The following ANTXR2 variants were observed in gnomAD, a reference collection of about 807,000 sequenced individuals.
ANTXR2 encodes ANTXR cell adhesion molecule 2.
A neutral mutation model predicts 73.7 loss-of-function variants in ANTXR2; 44 were observed. That is an observed-to-expected ratio of 0.60 (90% CI 0.47 to 0.77). The LOEUF (loss-of-function observed/expected upper bound fraction) is 0.77. Ranked by LOEUF, ANTXR2 falls within the 30% of genes least tolerant of loss-of-function variation. ANTXR2 has a pLI of 0.00. For synonymous variants in ANTXR2, 217 were observed against 205.9 expected (o/e 1.05, Z -0.46); for missense variants, 604 against 592.5 (o/e 1.02, Z -0.20).
chr4:79,926,117 GAATT>G (rs1727770319), intron 16 of ANTXR2, among the ~76,000 whole-genome samples: 3 of 152,016 alleles, frequency 2.0e-5, no homozygotes, highest in Non-Finnish European at 2.9e-5. Flanking sequence ...AGTTTCTGCT[GAATT>G]AATTGATTAG....
At chr4:79,960,132 G>A (rs747295083) in intron 16 of ANTXR2, among the ~76,000 whole-genome samples, 1 of 152,088 alleles carries the variant, frequency 6.6e-6, no homozygotes, top group Non-Finnish European at 1.5e-5. Flanking sequence ...TCACCAATCT[G>A]CACTAGGTTC....
chr4:80,043,843 T>A (rs1450030990), intron 7 of ANTXR2, among the ~76,000 whole-genome samples: 1 of 152,014 alleles, frequency 6.6e-6, no homozygotes, highest in East Asian at 1.9e-4. Context: ...CCAACTTGAA[T>A]GAAGCATCAG....
intron 9 of ANTXR2, 106 bp downstream of exon 9, chr4:80,033,366 G>C: frequency 1.3e-6 from 1 of 743,080 alleles, no homozygotes; most frequent in Non-Finnish European, 2.2e-6. Context: ...TTTCTTCTTA[G>C]ATTAAAAAAT....
chr4:80,025,838 A>C (rs1410811741), intron 10 of ANTXR2, among the ~76,000 whole-genome samples: 4 of 149,924 alleles, frequency 2.7e-5, no homozygotes, highest in Non-Finnish European at 4.4e-5. Flanking sequence ...TGTGTAATAG[A>C]TAAAACAAAA....
intron 10 of ANTXR2, among the ~76,000 whole-genome samples, chr4:80,025,939 G>T (rs1410917336): frequency 6.6e-6 from 1 of 152,162 alleles, no homozygotes; most frequent in Non-Finnish European, 1.5e-5. Context: ...TATTATAATT[G>T]TTCTGAGTAT....
chr4:80,055,015 A>G, intron 6 of ANTXR2, 135 bp downstream of exon 6: 1 of 763,230 alleles, frequency 1.3e-6, no homozygotes, highest in Non-Finnish European at 2.1e-6. Context: ...AGTACTCAAA[A>G]CCTACAGCCA....
chr4:79,929,448 G>C (rs936429157), intron 16 of ANTXR2, among the ~76,000 whole-genome samples: 1 of 152,170 alleles, frequency 6.6e-6, no homozygotes, highest in Non-Finnish European at 1.5e-5. Context: ...GGAGGTGGAA[G>C]TTGCAGTGAG....
chr4:80,065,492 A>T (rs1734454210), intron 3 of ANTXR2, among the ~76,000 whole-genome samples: 1 of 152,200 alleles, frequency 6.6e-6, no homozygotes, highest in South Asian at 2.1e-4. Flanking sequence ...GGGTAGGTGG[A>T]GGAATGGACT....
chr4:80,039,050 T>C (rs929643085), intron 7 of ANTXR2, among the ~76,000 whole-genome samples: 22 of 152,042 alleles, frequency 1.4e-4, no homozygotes, highest in African/African-American at 5.3e-4. Flanking sequence ...TTAATGAGGA[T>C]ATTAAAAAGT....
At chr4:80,071,739 A>T in intron 1 of ANTXR2, 85 bp from the exon 2 acceptor site, 1 of 1,115,802 alleles carries the variant, frequency 9.0e-7, no homozygotes. Context: ...CTTCAATGCC[A>T]CGAACATAGG....
chr4:79,931,835 ATAATT>A (rs560870500), intron 16 of ANTXR2, among the ~76,000 whole-genome samples: 1 of 152,250 alleles, frequency 6.6e-6, no homozygotes, highest in Non-Finnish European at 1.5e-5. Context: ...CTAAATGTGG[ATAATT>A]TAATTTGTGC....
intron 16 of ANTXR2, among the ~76,000 whole-genome samples, chr4:79,947,774 TA>T (rs1728569169): frequency 6.6e-6 from 1 of 152,176 alleles, no homozygotes; most frequent in South Asian, 2.1e-4. Context: ...GTAAATATTA[TA>T]AAACTCTGGA....
intron 16 of ANTXR2, among the ~76,000 whole-genome samples, chr4:79,975,430 A>G (rs1369895290): frequency 6.6e-6 from 1 of 152,220 alleles, no homozygotes; most frequent in East Asian, 1.9e-4. Context: ...AAAATTATTG[A>G]ATTGAATCAA....
intron 16 of ANTXR2, among the ~76,000 whole-genome samples, chr4:79,933,754 A>ATTT (rs1728150651): frequency 1.9e-5 from 1 of 53,938 alleles, no homozygotes; most frequent in Non-Finnish European, 3.6e-5. Flanking sequence ...TTTTTTTTTG[A>ATTT]GACAGAGTCT....
intron 3 of ANTXR2, among the ~76,000 whole-genome samples, chr4:80,068,904 A>G (rs1227350191): frequency 6.6e-6 from 1 of 152,206 alleles, no homozygotes; most frequent in African/African-American, 2.4e-5. Flanking sequence ...AAAAAACACT[A>G]AGGAGATTAA....
At position 80,042,133 on chromosome 4, in the gene ANTXR2, A is replaced by T. The variant is rs543714953; in HGVS notation, c.637-6101T>A. Among the ~76,000 whole-genome samples, 4 of 152,170 alleles carry T rather than the reference A, an allele frequency of 2.6e-5. No individual in the cohort carries two copies. In the East Asian group the frequency reaches 7.8e-4, roughly 30 times the overall value. On this transcript the variant is annotated intron_variant, in intron 7 of 16. Coordinates refer to ENST00000403729, the MANE Select transcript of ANTXR2 (RefSeq NM_058172.6). Reference sequence around the variant, plus strand: ...TATCTCAAATTTGTTTTGCACAGATAAAAATACATAGTTTTTACTTCTCAG... The same window carrying T: ...TATCTCAAATTTGTTTTGCACAGATTAAAATACATAGTTTTTACTTCTCAG...
intron 12 of ANTXR2, among the ~76,000 whole-genome samples, chr4:79,999,745 C>T (rs1272998841): frequency 6.6e-6 from 1 of 151,940 alleles, no homozygotes; most frequent in Non-Finnish European, 1.5e-5. Flanking sequence ...GCCTGTAAAA[C>T]ACATTTCAAA....
intron 16 of ANTXR2, among the ~76,000 whole-genome samples, chr4:79,961,424 AT>A (rs1173556998): frequency 6.6e-6 from 1 of 151,884 alleles, no homozygotes; most frequent in Non-Finnish European, 1.5e-5. Flanking sequence ...TTTTGAAAGT[AT>A]TCTTTTTTTA....
At position 79,901,657 on chromosome 4, in the gene ANTXR2, G is replaced by GTT. The variant is rs1206975965; in HGVS notation, c.*5770_*5771dup. On this transcript the variant is annotated 3_prime_UTR_variant, in exon 17 of 17. Coordinates refer to ENST00000403729, the MANE Select transcript of ANTXR2 (RefSeq NM_058172.6). The stretch of plus-strand genomic sequence containing the variant: ...ACTTTATTTCTATTATTATTACATT[G>GTT]TTATATATAATGAAATAATTACACA... 1 of 153,800 alleles carries GTT rather than the reference G, an allele frequency of 6.5e-6. No homozygotes were observed. Among genetic ancestry groups the GTT allele is most frequent in the Non-Finnish European group, 1.4e-5 (1 of 69,774 alleles). The allele number at this position is 153,800 out of a possible 1,614,324, so 9.5% of individuals were successfully genotyped here. A position where few individuals can be genotyped will look rare whatever the true frequency, so the allele number is the denominator to read the frequency against.
Sources: gnomAD v4.1 joint callset for allele counts (sites outside exome capture counted in the v4.1 genomes callset) on GRCh38, gnomAD v4.1.1 for gene constraint, MANE v1.5 for transcripts, NCBI Gene and HGNC (gene_info 2026-07-23, HGNC 2026-07-21) for gene names.